The following UBR1 variants were observed in gnomAD, a reference collection of about 807,000 sequenced individuals.
The protein encoded by UBR1 is E3 ubiquitin-protein ligase UBR1.
Under a neutral mutation model 242.1 loss-of-function variants are expected in UBR1, and 102 were observed. The ratio of observed to expected loss-of-function variants is 0.42; its 90% confidence interval spans 0.36 to 0.50. The LOEUF (loss-of-function observed/expected upper bound fraction) is 0.50. Among genes scored for constraint, UBR1 ranks in the 20% least tolerant of loss-of-function variants. UBR1 has a pLI of 0.01. For synonymous variants in UBR1, 675 were observed against 684.8 expected (o/e 0.99, Z 0.22); for missense variants, 1,772 against 2,101.8 (o/e 0.84, Z 3.07).
chr15:43,033,409 G>C (rs1255079425), intron 19 of UBR1, among the ~76,000 whole-genome samples: 1 of 151,976 alleles, frequency 6.6e-6, no homozygotes, highest in Non-Finnish European at 1.5e-5. Context: ...AATTTGGGAG[G>C]CCAAGGCATG....
At chr15:43,005,029 G>A (rs534814063) in intron 30 of UBR1, among the ~76,000 whole-genome samples, 1 of 142,272 alleles carries the variant, frequency 7.0e-6, no homozygotes, top group East Asian at 2.1e-4. Flanking sequence ...GCCCAGCCGC[G>A]ACCCCGTCTG....
intron 45 of UBR1, among the ~76,000 whole-genome samples, chr15:42,951,719 A>G (rs2031837247): frequency 6.6e-6 from 1 of 152,140 alleles, no homozygotes; most frequent in Admixed American, 6.5e-5. Context: ...CCCAGGCTCA[A>G]GCAGCCCATC....
chr15:43,027,310 G>C (rs2033190895), intron 22 of UBR1, among the ~76,000 whole-genome samples: 1 of 151,840 alleles, frequency 6.6e-6, no homozygotes, highest in Admixed American at 6.6e-5. Flanking sequence ...GTAACAAGTA[G>C]AAATTCACTA....
chr15:42,947,839 C>T (rs1165375937), intron 46 of UBR1, among the ~76,000 whole-genome samples: 16 of 152,138 alleles, frequency 1.1e-4, no homozygotes, highest in Non-Finnish European at 1.9e-4. Flanking sequence ...GAATCAGTAT[C>T]GTGAAAATGG....
In UBR1 at chr15:42,944,321, T is replaced by C. The variant is rs1288933126; in HGVS notation, c.*1008A>G. ...CACAGACTATTGATCACATGGCTTT[T>C]TTGGTGGTTTGTACTAGTCATAAAA... is the stretch of plus-strand genomic sequence containing the variant. On this transcript the variant is annotated 3_prime_UTR_variant, in exon 47 of 47. Coordinates refer to ENST00000290650, the MANE Select transcript of UBR1 (RefSeq NM_174916.3). 1 of 152,628 alleles carries C rather than the reference T, an allele frequency of 6.6e-6. No homozygotes were observed. Among genetic ancestry groups the C allele is most frequent in the Non-Finnish European group, 1.5e-5 (1 of 68,026 alleles). 9.5% of individuals were successfully genotyped at this position (152,628 alleles called of 1,614,324 possible).
chr15:43,028,988 G>A (rs947034719), intron 21 of UBR1, among the ~76,000 whole-genome samples: 1 of 152,052 alleles, frequency 6.6e-6, no homozygotes. Flanking sequence ...GGGAGGCTGA[G>A]GAAAGAGGAT....
At chr15:43,030,698 C>T (rs749241955) in intron 20 of UBR1, among the ~76,000 whole-genome samples, 2 of 152,124 alleles carry the variant, frequency 1.3e-5, no homozygotes, top group Non-Finnish European at 1.5e-5. Flanking sequence ...AGAACTTCAC[C>T]GGTGTCAACA....
rs569187891 is a variant in UBR1 at position 42,988,529 on chromosome 15, C to T, written c.3997+290G>A. ...AACTCCTGCTCTCAAGTTATCCTCC[C>T]ACCTCAGCCTCCCAAAGCTCAGCCT... On this transcript the variant is annotated intron_variant, in intron 35 of 46. Transcript: ENST00000290650. 7.7e-6 allele frequency: 3 copies of T among 387,974 alleles called. No homozygotes were observed. In the East Asian group the frequency reaches 1.7e-4, roughly 23 times the overall value. 24.0% of individuals were successfully genotyped at this position (387,974 alleles called of 1,614,324 possible).
intron 1 of UBR1, among the ~76,000 whole-genome samples, chr15:43,087,308 G>A: frequency 6.6e-6 from 1 of 152,144 alleles, no homozygotes; most frequent in East Asian, 1.9e-4. Flanking sequence ...AGGAGGTTGA[G>A]GCAGGAGGAT....
At chr15:42,959,134 A>G (rs1475558234) in intron 43 of UBR1, among the ~76,000 whole-genome samples, 2 of 152,188 alleles carry the variant, frequency 1.3e-5, no homozygotes, top group Non-Finnish European at 1.5e-5. Context: ...CCTGGCCCCA[A>G]TCAATTTAAA....
chr15:42,945,279 A>G lies in UBR1; in HGVS notation c.*50T>C. The G allele has an allele frequency of 1.9e-6, 3 of 1,613,740 alleles. No homozygotes were observed. The highest frequency in any genetic ancestry group is 2.5e-6 in the Non-Finnish European group (3 of 1,179,802). On this transcript the variant is annotated 3_prime_UTR_variant, in exon 47 of 47. Coordinates refer to ENST00000290650, the MANE Select transcript of UBR1 (RefSeq NM_174916.3). ...AGAAAGTTTTCCATAATTTTGAATC[A>G]GCCTTTACTACTGTCGTCATTTGTG... is the stretch of plus-strand genomic sequence containing the variant.
chr15:43,101,193 G>A (rs2034230027), intron 1 of UBR1, among the ~76,000 whole-genome samples: 2 of 152,310 alleles, frequency 1.3e-5, no homozygotes, highest in East Asian at 3.9e-4. Flanking sequence ...GGCTGGACCA[G>A]GCAAAGTCTT....
chr15:42,986,624 T>C (rs2032463374), intron 35 of UBR1, among the ~76,000 whole-genome samples: 1 of 152,234 alleles, frequency 6.6e-6, no homozygotes, highest in African/African-American at 2.4e-5. Flanking sequence ...ACCTCACCTT[T>C]CCTATATCCC....
chr15:43,043,092 A>G (rs1047155911), intron 15 of UBR1, 123 bp downstream of exon 15: 12 of 1,034,624 alleles, frequency 1.2e-5, no homozygotes, highest in Non-Finnish European at 2.9e-6. Flanking sequence ...CCTTAACTGC[A>G]GTATCTGACC....
chr15:42,976,854 A>G lies in UBR1; in HGVS notation c.4232T>C (p.Leu1411Ser). 1 of 1,613,878 alleles carries G rather than the reference A, an allele frequency of 6.2e-7. No individual in the cohort carries two copies. The highest frequency in any genetic ancestry group is 8.5e-7 in the Non-Finnish European group (1 of 1,179,874). Residue 1411 changes from leucine to serine, a missense_variant, in exon 39 of 47, where the codon TTA becomes TCA. Coordinates refer to ENST00000290650, the MANE Select transcript of UBR1 (RefSeq NM_174916.3). ...ATCCCAATACAAGGATGGGAATGCTAACACAGCACCCACCTATGAGAGAAA... is the reference window on the plus strand; with the variant it reads ...ATCCCAATACAAGGATGGGAATGCTGACACAGCACCCACCTATGAGAGAAA... ...DLFHVLVGAV[L>S]AFPSLYWDDP...
chr15:43,063,979 G>A (rs899622948), intron 6 of UBR1, among the ~76,000 whole-genome samples: 2 of 152,158 alleles, frequency 1.3e-5, no homozygotes, highest in African/African-American at 2.4e-5. Context: ...CAGGAGATCC[G>A]CCCACCTCAG....
At chr15:43,072,173 G>A (rs1418094770) in intron 4 of UBR1, among the ~76,000 whole-genome samples, 1 of 151,794 alleles carries the variant, frequency 6.6e-6, no homozygotes, top group Admixed American at 6.6e-5. Flanking sequence ...CTTTTCATAC[G>A]ATATAAAATG....
chr15:42,961,915 C>A (rs890534322), intron 42 of UBR1, among the ~76,000 whole-genome samples: 1 of 150,826 alleles, frequency 6.6e-6, no homozygotes, highest in Admixed American at 6.6e-5. Flanking sequence ...CCAACATGCC[C>A]AGCTAATTTT....
intron 15 of UBR1, among the ~76,000 whole-genome samples, chr15:43,039,342 C>A (rs942824014): frequency 6.6e-6 from 1 of 152,304 alleles, no homozygotes; most frequent in Middle Eastern, 3.4e-3. Flanking sequence ...TTTGTGTCCT[C>A]TTTTATTTCG....
Sources: gnomAD v4.1 joint callset for allele counts (sites outside exome capture counted in the v4.1 genomes callset) on GRCh38, gnomAD v4.1.1 for gene constraint, MANE v1.5 for transcripts, NCBI Gene and HGNC (gene_info 2026-07-23, HGNC 2026-07-21) for gene names.